The following ALK variants were observed in gnomAD, a reference collection of about 807,000 sequenced individuals.
ALK encodes the protein ALK receptor tyrosine kinase.
ALK carries 74 observed loss-of-function variants against 163.1 expected under a neutral mutation model. The ratio of observed to expected loss-of-function variants is 0.45; its 90% CI spans 0.38 to 0.55. The LOEUF (loss-of-function observed/expected upper bound fraction) is 0.55, where lower values mean the gene tolerates loss of function less well. Ranked by LOEUF, ALK falls within the 20% of genes least tolerant of loss-of-function variation. ALK has a pLI of 0.00. For synonymous variants in ALK, 960 were observed against 843.2 expected, an observed-to-expected ratio of 1.14 and a Z score of -2.40; for missense variants, 2,063 against 2,105.3, an observed-to-expected ratio of 0.98 and a Z score of 0.39.
At chr2:29,339,719 G>A (rs530692071) in intron 5 of ALK, among the ~76,000 whole-genome samples, 31 of 152,274 alleles carry the variant, frequency 2.0e-4, no homozygotes, top group South Asian at 1.0e-3. Flanking sequence ...GAGTGGATAC[G>A]AAGGAGACCC....
intron 1 of ALK, among the ~76,000 whole-genome samples, chr2:29,816,486 A>G (rs555482570): frequency 1.3e-5 from 2 of 152,346 alleles, no homozygotes; most frequent in Non-Finnish European, 2.9e-5. Context: ...CAACATGCCC[A>G]GCAGGCAGGG....
At chr2:29,436,513 T>C (rs1341887205) in intron 4 of ALK, among the ~76,000 whole-genome samples, 3 of 152,230 alleles carry the variant, frequency 2.0e-5, no homozygotes, top group African/African-American at 2.4e-5. Flanking sequence ...CCCTTTAAAT[T>C]AATCTGATTC....
At chr2:29,906,959 T>TG (rs1667567315) in intron 1 of ALK, among the ~76,000 whole-genome samples, 3 of 143,454 alleles carry the variant, frequency 2.1e-5, no homozygotes, top group African/African-American at 7.8e-5. Context: ...TTTTTTTTTT[T>TG]TTTTTTTTGA....
intron 4 of ALK, among the ~76,000 whole-genome samples, chr2:29,414,214 G>A (rs541862494): frequency 7.9e-5 from 12 of 152,214 alleles, no homozygotes; most frequent in South Asian, 2.1e-4. Context: ...TATGTGGCAC[G>A]TGACTATATT....
chr2:29,518,901 T>C (rs1302920349), intron 4 of ALK, among the ~76,000 whole-genome samples: 2 of 152,224 alleles, frequency 1.3e-5, no homozygotes, highest in East Asian at 3.8e-4. Context: ...TTCTAGGTGC[T>C]TTGTATGCAT....
At chr2:29,197,391 T>A (rs2148142675) in intron 27 of ALK, 151 bp downstream of exon 27, 1 of 1,156,848 alleles carries the variant, frequency 8.6e-7, no homozygotes, top group East Asian at 2.5e-5. Context: ...TCCATCTCAC[T>A]GAAGTCGCAG....
rs1157332043 is a variant in ALK, at chr2:29,201,092, GA to G, written c.3939-3417del. ...AACCTGAAAGGAGGTTATGATTAAA[GA>G]AAAAAAAAAACATTGTGGAAGATGG... On this transcript the variant is annotated intron_variant, in intron 26 of 28. Coordinates refer to ENST00000389048, the MANE Select transcript of ALK (RefSeq NM_004304.5). Among the ~76,000 whole-genome samples the G allele has an allele frequency of 3.6e-3, 519 of 143,558 alleles. 1 individual carries two copies. The highest frequency in any genetic ancestry group is 0.014 in the East Asian group (70 of 4,998). The allele number at this position is 143,558 out of a possible 152,430, so 94.2% of individuals were successfully genotyped here.
chr2:29,336,408 G>T (rs1425177581), intron 5 of ALK, among the ~76,000 whole-genome samples: 1 of 152,186 alleles, frequency 6.6e-6, no homozygotes, highest in African/African-American at 2.4e-5. Context: ...CTCTCAGTGG[G>T]ATTTCCTGTC....
intron 4 of ALK, among the ~76,000 whole-genome samples, chr2:29,436,698 C>T (rs1025289069): frequency 6.6e-6 from 1 of 152,146 alleles, no homozygotes; most frequent in Admixed American, 6.5e-5. Flanking sequence ...CTTTTAATGG[C>T]CCAATCGTAT....
chr2:29,833,415 C>A (rs1048426175), intron 1 of ALK, among the ~76,000 whole-genome samples: 15 of 152,184 alleles, frequency 9.9e-5, no homozygotes. Flanking sequence ...TCTTTGGACA[C>A]GATCATCTCT....
Position 29,527,589 on chromosome 2 carries a change from C to T in ALK, c.1154+4326G>A, listed in dbSNP as rs553815758. Among the ~76,000 whole-genome samples, 3 of 152,234 alleles carry T rather than the reference C, an allele frequency of 2.0e-5. No homozygotes were observed. In the East Asian group the frequency reaches 5.8e-4, roughly 29 times the overall value. On this transcript the variant is annotated intron_variant, in intron 4 of 28. Transcript: ENST00000389048. Reference sequence around the variant, plus strand: ...GTGGCATGATCACAGTTTACTGCAGCCTCAACCTCTTGGGCTCAAGCAAGC... The same window carrying T: ...GTGGCATGATCACAGTTTACTGCAGTCTCAACCTCTTGGGCTCAAGCAAGC...
intron 4 of ALK, among the ~76,000 whole-genome samples, chr2:29,435,826 C>T (rs190119092): frequency 1.2e-3 from 184 of 152,120 alleles, no homozygotes; most frequent in African/African-American, 3.8e-3. Context: ...TTGTTAACTA[C>T]GTAATTTTCC....
At chr2:29,584,394 T>C (rs527327661) in intron 3 of ALK, among the ~76,000 whole-genome samples, 1 of 152,322 alleles carries the variant, frequency 6.6e-6, no homozygotes, top group South Asian at 2.1e-4. Context: ...GCAGTGAAAT[T>C]AGTCAAATAA....
intron 1 of ALK, among the ~76,000 whole-genome samples, chr2:29,753,970 A>G (rs1288187821): frequency 2.6e-5 from 4 of 152,228 alleles, no homozygotes; most frequent in Non-Finnish European, 4.4e-5. Context: ...TCTTTGTAAG[A>G]AAAGTAAAGC....
At chr2:29,735,361 C>A (rs1331471761) in intron 1 of ALK, among the ~76,000 whole-genome samples, 1 of 152,058 alleles carries the variant, frequency 6.6e-6, no homozygotes, top group Non-Finnish European at 1.5e-5. Context: ...TGTTTGTGAA[C>A]AATCACAGCC....
intron 4 of ALK, among the ~76,000 whole-genome samples, chr2:29,424,166 T>A (rs1212088855): frequency 6.6e-6 from 1 of 152,210 alleles, no homozygotes; most frequent in Non-Finnish European, 1.5e-5. Context: ...GGAATGAAGT[T>A]ATTGATTCCA....
At chr2:29,376,851 T>C (rs1441107629) in intron 5 of ALK, among the ~76,000 whole-genome samples, 2 of 152,266 alleles carry the variant, frequency 1.3e-5, no homozygotes, top group African/African-American at 4.8e-5. Flanking sequence ...TCAGCTTCTT[T>C]CGTTTCCTCT....
chr2:29,491,070 C>T (rs1455355658), intron 4 of ALK, among the ~76,000 whole-genome samples: 1 of 152,240 alleles, frequency 6.6e-6, no homozygotes, highest in Non-Finnish European at 1.5e-5. Context: ...CCAGGGTCCT[C>T]TGAGGATCCA....
intron 3 of ALK, among the ~76,000 whole-genome samples, chr2:29,662,203 C>T (rs1023218777): frequency 2.0e-5 from 3 of 152,102 alleles, no homozygotes; most frequent in Non-Finnish European, 2.9e-5. Flanking sequence ...TGAGCCACCA[C>T]GCCCGGCCTA....
Sources: allele counts gnomAD v4.1 joint callset (sites outside exome capture counted in the v4.1 genomes callset), GRCh38; gene constraint gnomAD v4.1.1; transcripts MANE v1.5; gene names NCBI Gene and HGNC (gene_info 2026-07-23, HGNC 2026-07-21).